The following TBPL1 variants were observed in gnomAD, a reference collection of about 807,000 sequenced individuals.
The protein encoded by TBPL1 is TATA-box binding protein like 1.
TBPL1 carries 4 observed loss-of-function variants against 22.1 expected under a neutral mutation model. The ratio of observed to expected loss-of-function variants is 0.18; its 90% CI spans 0.09 to 0.41. The LOEUF is 0.41. Among genes scored for constraint, TBPL1 ranks in the 10% least tolerant of loss-of-function variants. The pLI, the probability that TBPL1 is intolerant of heterozygous loss-of-function variation, is 1.00. For synonymous variants in TBPL1, 64 were observed against 71.0 expected (o/e 0.90, Z 0.50); for missense variants, 115 against 222.3 (o/e 0.52, Z 3.07).
intron 4 of TBPL1, 93 bp from the exon 5 acceptor site, chr6:133,984,283 G>A (rs1776468414): frequency 1.1e-6 from 1 of 894,162 alleles, no homozygotes; most frequent in Non-Finnish European, 1.7e-6. Flanking sequence ...GTTTTATCTT[G>A]TTTGCTCTTG....
At chr6:133,977,088 A>C (rs1776328061) in intron 1 of TBPL1, among the ~76,000 whole-genome samples, 1 of 152,188 alleles carries the variant, frequency 6.6e-6, no homozygotes, top group African/African-American at 2.4e-5. Flanking sequence ...ATCTTTGTTA[A>C]TATCCAGTTC....
chr6:133,966,083 A>T (rs1243905842), intron 1 of TBPL1, among the ~76,000 whole-genome samples: 2 of 152,176 alleles, frequency 1.3e-5, no homozygotes, highest in East Asian at 3.8e-4. Context: ...AGAGACAGAA[A>T]GAAACAGAGA....
rs1582586532 is a variant in TBPL1 at position 133,985,298 on chromosome 6, A to T, written c.481+627A>T. Among the ~76,000 whole-genome samples, 4 of 31,122 alleles carry T rather than the reference A, an allele frequency of 1.3e-4. No homozygotes were observed. The South Asian group carries it at 7.1e-3, about 55-fold the overall frequency. 20.4% of individuals were successfully genotyped at this position (31,122 alleles called of 152,430 possible). On this transcript the variant is annotated intron_variant, in intron 6 of 6. Transcript: ENST00000237264. ...GTCTAAAAAAAAAAAAAAAAAAAAA[A>T]TATATATATATATATATATATATAT... is the stretch of plus-strand genomic sequence containing the variant.
At chr6:133,963,411 G>T (rs867012565) in intron 1 of TBPL1, among the ~76,000 whole-genome samples, 17 of 152,060 alleles carry the variant, frequency 1.1e-4, no homozygotes, top group Admixed American at 5.2e-4. Context: ...TCTTGTTTCT[G>T]TTGTTTTGTC....
intron 1 of TBPL1, among the ~76,000 whole-genome samples, chr6:133,976,151 TG>T (rs1776308954): frequency 6.6e-6 from 1 of 152,358 alleles, no homozygotes; most frequent in South Asian, 2.1e-4. Context: ...TTAACTCTTT[TG>T]CATTCAGTGA....
chr6:133,985,337 T>TATAC (rs756426220), intron 6 of TBPL1, among the ~76,000 whole-genome samples: 10 of 55,036 alleles, frequency 1.8e-4, no homozygotes, highest in East Asian at 4.4e-4. Flanking sequence ...TATATATATA[T>TATAC]ACACACATAT....
In TBPL1 at chr6:133,988,685, T is replaced by TA. The variant is rs1224235353; in HGVS notation, c.*1645_*1646insA. ...AAGGCTAACTTACATTTTTCCTTCTTGTGAAATATTTCATTGAGATTTTTA... is the reference window on the plus strand; with the variant it reads ...AAGGCTAACTTACATTTTTCCTTCTTAGTGAAATATTTCATTGAGATTTTTA... On this transcript the variant is annotated 3_prime_UTR_variant, in exon 7 of 7. Coordinates refer to ENST00000237264, the MANE Select transcript of TBPL1 (RefSeq NM_004865.4). 6.6e-6 allele frequency: 1 copy of TA among 152,144 alleles called. No homozygotes were observed. Among genetic ancestry groups the TA allele is most frequent in the African/African-American group, 2.4e-5 (1 of 41,434 alleles). The allele number at this position is 152,144 out of a possible 1,614,324, so 9.4% of individuals were successfully genotyped here.
chr6:133,978,265 A>G (rs1412633119), intron 1 of TBPL1, among the ~76,000 whole-genome samples: 1 of 152,178 alleles, frequency 6.6e-6, no homozygotes, highest in East Asian at 1.9e-4. Context: ...TTTCATCAAT[A>G]ATTACTGTCA....
chr6:133,984,496 A>T lies in TBPL1; in HGVS notation c.386+17A>T, dbSNP rs370782917. ...TCATGCCAGGTAAGTCTTTGAAGCA[A>T]TTTATCTTGAGAAATTACCAAATTT... On this transcript the variant is annotated intron_variant, in intron 5 of 6. Transcript: ENST00000237264. 4.3e-6 allele frequency: 7 copies of T among 1,612,336 alleles called. No individual in the cohort carries two copies. In the Admixed American group the frequency reaches 6.7e-5, roughly 15 times the overall value.
At chr6:133,974,772 T>G (rs764404645) in intron 1 of TBPL1, among the ~76,000 whole-genome samples, 1 of 152,246 alleles carries the variant, frequency 6.6e-6, no homozygotes, top group Non-Finnish European at 1.5e-5. Context: ...ACTCACACTT[T>G]CAACATCGTT....
intron 1 of TBPL1, among the ~76,000 whole-genome samples, chr6:133,963,910 G>A (rs965880111): frequency 2.0e-5 from 3 of 151,564 alleles, no homozygotes; most frequent in African/African-American, 4.8e-5. Flanking sequence ...GCGTGGTGGC[G>A]GGCGCCTGTA....
chr6:133,982,693 C>G, intron 3 of TBPL1, 43 bp downstream of exon 3: 1 of 1,596,746 alleles, frequency 6.3e-7, no homozygotes, highest in South Asian at 1.1e-5. Flanking sequence ...TTTACTTTTT[C>G]CCTCATGGAA....
intron 1 of TBPL1, among the ~76,000 whole-genome samples, chr6:133,961,870 C>T (rs1776031631): frequency 6.6e-6 from 1 of 152,090 alleles, no homozygotes; most frequent in African/African-American, 2.4e-5. Flanking sequence ...AGATCACATT[C>T]TCTTGATTAT....
At chr6:133,973,650 A>T (rs963801937) in intron 1 of TBPL1, among the ~76,000 whole-genome samples, 8 of 152,216 alleles carry the variant, frequency 5.3e-5, no homozygotes, top group African/African-American at 1.9e-4. Context: ...TAGAAAGAGG[A>T]CCAAAAATAC....
chr6:133,976,972 A>C (rs1273057764), intron 1 of TBPL1, among the ~76,000 whole-genome samples: 1 of 149,346 alleles, frequency 6.7e-6, no homozygotes, highest in Non-Finnish European at 1.5e-5. Flanking sequence ...GGTCTCAAAA[A>C]AAAAAAAAAA....
At position 133,975,773 on chromosome 6, in the gene TBPL1, G is replaced by T. The variant is rs552394356; in HGVS notation, c.-44-4309G>T. Among the ~76,000 whole-genome samples the T allele has an allele frequency of 2.0e-5, 3 of 152,298 alleles. No homozygotes were observed. In the South Asian group the frequency reaches 6.2e-4, roughly 32 times the overall value. ...GATAAGACTGCAATTGAAAGTAGAG[G>T]CTTTCTCTGGAGGGAAAGGTGAGGA... On this transcript the variant is annotated intron_variant, in intron 1 of 6. Transcript: ENST00000237264.
intron 1 of TBPL1, among the ~76,000 whole-genome samples, chr6:133,972,827 T>C (rs1776248165): frequency 6.6e-6 from 1 of 152,232 alleles, no homozygotes; most frequent in Admixed American, 6.5e-5. Context: ...GAACACATAC[T>C]GTATGCTATA....
chr6:133,961,575 C>T (rs796333732), intron 1 of TBPL1, among the ~76,000 whole-genome samples: 6 of 146,242 alleles, frequency 4.1e-5, no homozygotes, highest in African/African-American at 1.5e-4. Context: ...TTCAAGCATT[C>T]TTCTGCCTCA....
chr6:133,956,116 T>C (rs1210156043), intron 1 of TBPL1, among the ~76,000 whole-genome samples: 2 of 152,238 alleles, frequency 1.3e-5, no homozygotes, highest in Non-Finnish European at 2.9e-5. Context: ...ACCTAGGTGA[T>C]TGATTTCCTT....
Sources: allele counts gnomAD v4.1 joint callset (sites outside exome capture counted in the v4.1 genomes callset), GRCh38; gene constraint gnomAD v4.1.1; transcripts MANE v1.5; gene names NCBI Gene and HGNC (gene_info 2026-07-23, HGNC 2026-07-21).